SLC5A7: variants seen among roughly 807,000 people sequenced by gnomAD.
SLC5A7 encodes high affinity choline transporter 1.
SLC5A7 carries 19 observed loss-of-function variants against 55.4 expected under a neutral mutation model. That is an observed-to-expected ratio of 0.34 (90% CI 0.24 to 0.50). The LOEUF (loss-of-function observed/expected upper bound fraction) is 0.50, where lower values mean the gene tolerates loss of function less well. Among genes scored for constraint, SLC5A7 ranks in the 20% least tolerant of loss-of-function variants. The pLI is 0.98. For missense variants in SLC5A7, 506 were observed against 705.3 expected (o/e 0.72, Z 3.20); for synonymous variants, 265 against 263.7 (o/e 1.00, Z -0.05).
At chr2:107,997,588 T>C (rs1449321181) in intron 4 of SLC5A7, among the ~76,000 whole-genome samples, 1 of 152,224 alleles carries the variant, frequency 6.6e-6, no homozygotes, top group East Asian at 1.9e-4. Context: ...AACCATACCA[T>C]GGATCTGTGT....
At chr2:107,991,529 G>T (rs1280344829) in intron 2 of SLC5A7, among the ~76,000 whole-genome samples, 1 of 152,060 alleles carries the variant, frequency 6.6e-6, no homozygotes, top group East Asian at 1.9e-4. Flanking sequence ...GATATCCCCA[G>T]AGTGTTCAAG....
intron 4 of SLC5A7, among the ~76,000 whole-genome samples, chr2:107,995,447 GA>G (rs1258835691): frequency 2.3e-4 from 24 of 105,174 alleles, no homozygotes; most frequent in African/African-American, 8.9e-4. Context: ...CTCTTTGGGA[GA>G]GAGAGAGAGA....
chr2:108,008,713 A>T lies in SLC5A7; in HGVS notation c.1113+31A>T, dbSNP rs183562581. On this transcript the variant is annotated intron_variant, in intron 8 of 8. Coordinates refer to ENST00000264047, the MANE Select transcript of SLC5A7 (RefSeq NM_021815.5). Reference sequence around the variant, plus strand: ...AACAGTTTCTTTCAACCTGACATTTACTAGCATTGCTCTTGCTGCTTCTGA... The same window carrying T: ...AACAGTTTCTTTCAACCTGACATTTTCTAGCATTGCTCTTGCTGCTTCTGA... 2.6e-6 allele frequency: 4 copies of T among 1,565,818 alleles called. No homozygotes were observed. The Admixed American group carries it at 6.8e-5, about 26-fold the overall frequency.
chr2:108,009,676 A>G (rs2104381463), intron 8 of SLC5A7, among the ~76,000 whole-genome samples: 1 of 152,258 alleles, frequency 6.6e-6, no homozygotes, highest in South Asian at 2.1e-4. Context: ...ATTCCATGGT[A>G]TACATGTGCC....
In SLC5A7 at chr2:108,013,842, A is replaced by T. The variant is rs938318714; in HGVS notation, c.*2981A>T. The T allele has an allele frequency of 7.2e-5, 11 of 152,174 alleles. No homozygotes were observed. Among genetic ancestry groups the T allele is most frequent in the African/African-American group, 2.4e-4 (10 of 41,466 alleles). The allele number at this position is 152,174 out of a possible 1,614,324, so 9.4% of individuals were successfully genotyped here. ...ATATCAACAACAAGTTGTTTCAAAC[A>T]GCATCAAAATACAACTTCATTGCTA... On this transcript the variant is annotated 3_prime_UTR_variant, in exon 9 of 9. Transcript: ENST00000264047.
intron 4 of SLC5A7, among the ~76,000 whole-genome samples, chr2:107,995,444 GGAGAGAGA>G (rs67365376): frequency 2.4e-4 from 34 of 139,926 alleles, no homozygotes; most frequent in African/African-American, 8.0e-4. Flanking sequence ...GAACTCTTTG[GGAGAGAGA>G]GAGAGAGAGA....
chr2:108,004,347 T>C (rs1678025949), intron 6 of SLC5A7, among the ~76,000 whole-genome samples: 2 of 152,258 alleles, frequency 1.3e-5, no homozygotes, highest in South Asian at 4.1e-4. Flanking sequence ...ACTTCAGGAA[T>C]GGGGTTATGA....
intron 6 of SLC5A7, among the ~76,000 whole-genome samples, chr2:108,004,625 T>C (rs1290150600): frequency 6.6e-6 from 1 of 152,232 alleles, no homozygotes. Flanking sequence ...GAAAGAGAAG[T>C]AGCAGTAATC....
chr2:107,991,961 G>A (rs542201004), intron 2 of SLC5A7, 145 bp from the exon 3 acceptor site: 1 of 423,342 alleles, frequency 2.4e-6, no homozygotes, highest in African/African-American at 2.0e-5. Flanking sequence ...GAAATCTGGT[G>A]TTTATTTTAT....
At chr2:107,997,814 A>C (rs75777824) in intron 4 of SLC5A7, 24 bp from the exon 5 acceptor site, 2 of 1,591,090 alleles carry the variant, frequency 1.3e-6, no homozygotes, top group Admixed American at 1.7e-5. Context: ...CACCTTGACC[A>C]CAGAACTCTC....
intron 2 of SLC5A7, 122 bp from the exon 3 acceptor site, chr2:107,991,984 A>T: frequency 2.0e-6 from 1 of 490,942 alleles, no homozygotes; most frequent in Non-Finnish European, 3.8e-6. Context: ...TCCTAAAACA[A>T]CTCAATCTAG....
chr2:107,986,873 C>T (rs954489521), intron 1 of SLC5A7, 110 bp downstream of exon 1: 1 of 152,222 alleles, frequency 6.6e-6, no homozygotes, highest in Non-Finnish European at 1.5e-5. Context: ...TTTTCCCTCT[C>T]GGTGGGATGC....
chr2:108,003,188 T>G (rs1222211158), intron 6 of SLC5A7, among the ~76,000 whole-genome samples: 1 of 152,216 alleles, frequency 6.6e-6, no homozygotes, highest in Admixed American at 6.5e-5. Context: ...AGAGTAAATA[T>G]GTATATGTAA....
At chr2:108,005,030 G>C (rs189506923) in intron 6 of SLC5A7, among the ~76,000 whole-genome samples, 67 of 152,182 alleles carry the variant, frequency 4.4e-4, no homozygotes, top group Non-Finnish European at 9.0e-4. Context: ...TTCCAATATA[G>C]GTATGTATAT....
At chr2:108,006,378 T>C (rs1678124853) in intron 7 of SLC5A7, among the ~76,000 whole-genome samples, 176 bp downstream of exon 7, 2 of 111,098 alleles carry the variant, frequency 1.8e-5, no homozygotes, top group East Asian at 2.7e-4. Flanking sequence ...GCGGCCTCCA[T>C]TTTTTTTTTT....
chr2:107,988,900 CAT>C (rs1350510750), intron 2 of SLC5A7, among the ~76,000 whole-genome samples: 2 of 152,158 alleles, frequency 1.3e-5, no homozygotes, highest in African/African-American at 4.8e-5. Flanking sequence ...AAGACAATCA[CAT>C]GTTATGAGTC....
At chr2:107,994,832 A>T (rs928238389) in intron 4 of SLC5A7, among the ~76,000 whole-genome samples, 1 of 152,208 alleles carries the variant, frequency 6.6e-6, no homozygotes, top group Non-Finnish European at 1.5e-5. Flanking sequence ...GAGTGGGCTG[A>T]GTATATAACA....
At chr2:107,996,055 A>C (rs553014323) in intron 4 of SLC5A7, among the ~76,000 whole-genome samples, 1 of 152,264 alleles carries the variant, frequency 6.6e-6, no homozygotes, top group South Asian at 2.1e-4. Context: ...GACAGCATCT[A>C]CTAGGACCCC....
chr2:107,988,753 T>C (rs1347015444), intron 2 of SLC5A7, among the ~76,000 whole-genome samples: 1 of 152,246 alleles, frequency 6.6e-6, no homozygotes, highest in East Asian at 1.9e-4. Flanking sequence ...CTTTGAGATT[T>C]AAATAAGTGC....
Sources: gnomAD v4.1 joint callset for allele counts (sites outside exome capture counted in the v4.1 genomes callset) on GRCh38, gnomAD v4.1.1 for gene constraint, MANE v1.5 for transcripts, NCBI Gene and HGNC (gene_info 2026-07-23, HGNC 2026-07-21) for gene names.